The following LRRC7 variants were observed in gnomAD, a reference collection of about 807,000 sequenced individuals.
LRRC7 encodes leucine-rich repeat-containing protein 7.
Under a neutral mutation model 175.7 loss-of-function variants are expected in LRRC7, and 23 were observed. That is an observed-to-expected ratio of 0.13 (90% CI 0.09 to 0.19). LRRC7 has a LOEUF of 0.19. Among genes scored for constraint, LRRC7 ranks in the 10% least tolerant of loss-of-function variants. The pLI, the probability that LRRC7 is intolerant of heterozygous loss-of-function variation, is 1.00. For synonymous variants in LRRC7, 685 were observed against 680.9 expected, an observed-to-expected ratio of 1.01 and a Z score of -0.09; for missense variants, 1,354 against 1,904.7, an observed-to-expected ratio of 0.71 and a Z score of 5.38.
At chr1:69,995,751 G>A (rs1181000433) in intron 11 of LRRC7, among the ~76,000 whole-genome samples, 1 of 152,012 alleles carries the variant, frequency 6.6e-6, no homozygotes, top group African/African-American at 2.4e-5. Flanking sequence ...TTTTATGGCT[G>A]CATAGTATTC....
chr1:69,612,625 T>C (rs937129524), intron 1 of LRRC7, among the ~76,000 whole-genome samples: 2 of 152,070 alleles, frequency 1.3e-5, no homozygotes, highest in Admixed American at 1.3e-4. Flanking sequence ...AAGGAACATG[T>C]AAGGAATTTC....
At chr1:69,829,819 C>T (rs1323586298) in intron 5 of LRRC7, among the ~76,000 whole-genome samples, 8 of 151,752 alleles carry the variant, frequency 5.3e-5, no homozygotes, top group Admixed American at 4.6e-4. Flanking sequence ...TTATGATTGT[C>T]ATCTTCATCA....
rs549743364 is a variant in LRRC7 at position 69,859,121 on chromosome 1, C to T, written c.647+20838C>T. ...AATAAATTCCCCTACCGCCTCTGCC[C>T]AAAAAAGTTTGCATGGATCTAGAAC... On this transcript the variant is annotated intron_variant, in intron 7 of 26. Coordinates refer to ENST00000651989, the MANE Select transcript of LRRC7 (RefSeq NM_001370785.2). 1.1e-4 allele frequency among the ~76,000 whole-genome samples: 16 copies of T among 152,126 alleles called. No homozygotes were observed. The South Asian group carries it at 3.3e-3, about 32-fold the overall frequency.
rs1656643767 is a variant in LRRC7 at position 70,012,920 on chromosome 1, T to TA, written c.1135-49dup. 4.6e-6 allele frequency: 4 copies of TA among 877,036 alleles called. No individual in the cohort carries two copies. The South Asian group carries it at 6.0e-5, about 13-fold the overall frequency. The allele number at this position is 877,036 out of a possible 1,614,324, so 54.3% of individuals were successfully genotyped here. A position where few individuals can be genotyped will look rare whatever the true frequency, so the allele number is the denominator to read the frequency against. On this transcript the variant is annotated intron_variant, in intron 12 of 26. Coordinates refer to ENST00000651989, the MANE Select transcript of LRRC7 (RefSeq NM_001370785.2). ...GTTTTAAAAATTAGAAAAATTAATA[T>TA]AAAAATAGTATTGTGGTCTGATTTT... is the stretch of plus-strand genomic sequence containing the variant.
chr1:69,684,402 G>A (rs1197047054), intron 2 of LRRC7, among the ~76,000 whole-genome samples: 1 of 151,952 alleles, frequency 6.6e-6, no homozygotes, highest in Non-Finnish European at 1.5e-5. Context: ...AGGAAAGAAA[G>A]GCATAAGGAA....
intron 2 of LRRC7, among the ~76,000 whole-genome samples, chr1:69,679,269 G>T (rs1335000745): frequency 6.6e-6 from 1 of 151,962 alleles, no homozygotes; most frequent in East Asian, 1.9e-4. Context: ...TCAGAATTTT[G>T]TCCTTTTACA....
chr1:69,595,132 C>T (rs1299437536), intron 1 of LRRC7, among the ~76,000 whole-genome samples: 1 of 152,048 alleles, frequency 6.6e-6, no homozygotes, highest in African/African-American at 2.4e-5. Flanking sequence ...CTCCACTCTT[C>T]AAATGAAGAA....
At chr1:69,825,714 C>T in intron 4 of LRRC7, 34 bp from the exon 5 acceptor site, 5 of 1,378,276 alleles carry the variant, frequency 3.6e-6, no homozygotes, top group East Asian at 4.7e-5. Flanking sequence ...TTTGTTGGAA[C>T]ATTTTCATGT....
chr1:70,129,649 G>A lies in LRRC7; in HGVS notation c.*7762G>A, dbSNP rs530283481. On this transcript the variant is annotated 3_prime_UTR_variant, in exon 27 of 27. Transcript: ENST00000651989. The stretch of plus-strand genomic sequence containing the variant: ...GTCCAATGTTAGAATGACCCACTCC[G>A]AAATGCAAGGAGTTGAACAATCATT... Among the ~76,000 whole-genome samples, 111 of 152,258 alleles carry A rather than the reference G, an allele frequency of 7.3e-4. No individual in the cohort carries two copies. Among genetic ancestry groups the A allele is most frequent in the Middle Eastern group, 3.4e-3 (1 of 294 alleles).
intron 1 of LRRC7, among the ~76,000 whole-genome samples, chr1:69,602,431 T>C (rs1622158): frequency 0.15 from 23,043 of 151,746 alleles, 1,929 homozygotes; most frequent in Admixed American, 0.19. Flanking sequence ...GCTATGATAA[T>C]ATTTTATTAT....
chr1:69,632,318 G>A (rs1158068531), intron 1 of LRRC7, among the ~76,000 whole-genome samples: 1 of 152,056 alleles, frequency 6.6e-6, no homozygotes, highest in East Asian at 1.9e-4. Flanking sequence ...ACACAGTTTT[G>A]TCCTCAGCAC....
At chr1:69,829,395 T>C (rs926497323) in intron 5 of LRRC7, among the ~76,000 whole-genome samples, 1 of 151,894 alleles carries the variant, frequency 6.6e-6, no homozygotes, top group African/African-American at 2.4e-5. Context: ...GATAATTTGA[T>C]ACATTCATGT....
At chr1:69,919,149 G>C (rs1368162048) in intron 7 of LRRC7, among the ~76,000 whole-genome samples, 1 of 152,118 alleles carries the variant, frequency 6.6e-6, no homozygotes, top group Non-Finnish European at 1.5e-5. Flanking sequence ...AGTATCTACA[G>C]AGTAGAGTTT....
At chr1:69,988,137 C>T (rs1654104440) in intron 10 of LRRC7, among the ~76,000 whole-genome samples, 1 of 152,158 alleles carries the variant, frequency 6.6e-6, no homozygotes, top group South Asian at 2.1e-4. Context: ...CCATCCCATA[C>T]CATTTTAAAT....
intron 7 of LRRC7, among the ~76,000 whole-genome samples, chr1:69,841,195 T>C (rs1681688486): frequency 6.6e-6 from 1 of 152,056 alleles, no homozygotes; most frequent in Non-Finnish European, 1.5e-5. Context: ...AAGCTTTCCA[T>C]TCTTTTCCTA....
At chr1:69,797,418 G>A (rs1675919542) in intron 4 of LRRC7, among the ~76,000 whole-genome samples, 3 of 152,032 alleles carry the variant, frequency 2.0e-5, no homozygotes, top group Admixed American at 2.0e-4. Flanking sequence ...ATAAAGTATT[G>A]AAACCCAAAT....
Position 69,825,841 on chromosome 1 carries a change from T to A in LRRC7, c.500+15T>A. The A allele has an allele frequency of 6.7e-7, 1 of 1,483,790 alleles. No individual in the cohort carries two copies. The highest frequency in any genetic ancestry group is 9.3e-7 in the Non-Finnish European group (1 of 1,077,014). 91.9% of individuals were successfully genotyped at this position (1,483,790 alleles called of 1,614,324 possible). A position where few individuals can be genotyped will look rare whatever the true frequency, so the allele number is the denominator to read the frequency against. On this transcript the variant is annotated intron_variant, in intron 5 of 26. Transcript: ENST00000651989. Reference sequence around the variant, plus strand: ...CCCATTTCTAAGTGAGTATGAGTGATTAAATTTTATTTGTATTTATATTTC... The same window carrying A: ...CCCATTTCTAAGTGAGTATGAGTGAATAAATTTTATTTGTATTTATATTTC...
intron 3 of LRRC7, among the ~76,000 whole-genome samples, chr1:69,767,616 C>CCAGATAATT (rs1450437974): frequency 6.6e-6 from 1 of 151,836 alleles, no homozygotes; most frequent in Non-Finnish European, 1.5e-5. Context: ...GCCACGATGC[C>CCAGATAATT]CAGATAATTT....
intron 7 of LRRC7, among the ~76,000 whole-genome samples, chr1:69,888,918 C>T (rs1056191723): frequency 2.6e-5 from 4 of 152,034 alleles, no homozygotes; most frequent in African/African-American, 9.7e-5. Context: ...TACAGTCATA[C>T]CTCAGAGATA....
Sources: gnomAD v4.1 joint callset for allele counts (sites outside exome capture counted in the v4.1 genomes callset) on GRCh38, gnomAD v4.1.1 for gene constraint, MANE v1.5 for transcripts, NCBI Gene and HGNC (gene_info 2026-07-23, HGNC 2026-07-21) for gene names.